The following PKIB variants were observed in gnomAD, a reference collection of about 807,000 sequenced individuals.
PKIB encodes PKI-beta.
A neutral mutation model predicts 4.5 loss-of-function variants in PKIB; 2 were observed. The observed-to-expected ratio is 0.44, with a 90% CI of 0.18 to 1.39. PKIB has a LOEUF of 1.39. PKIB is among the 40% of genes most tolerant of loss of function. PKIB has a pLI of 0.27. For synonymous variants in PKIB, 38 were observed against 36.0 expected (o/e 1.06, Z -0.20); for missense variants, 94 against 92.6 (o/e 1.02, Z -0.06).
intron 2 of PKIB, chr6:122,479,288 A>C (rs1490980843): frequency 1.3e-5 from 2 of 152,108 alleles, no homozygotes; most frequent in African/African-American, 2.4e-5. Context: ...AGACACATTA[A>C]AGCAGTAATA....
chr6:122,685,735 AC>A (rs1778067555), intron 3 of PKIB, among the ~76,000 whole-genome samples: 1 of 152,134 alleles, frequency 6.6e-6, no homozygotes, highest in Non-Finnish European at 1.5e-5. Flanking sequence ...GCTATCAAAT[AC>A]TAGGTCTTAT....
intron 2 of PKIB, among the ~76,000 whole-genome samples, chr6:122,642,334 G>T (rs1776152344): frequency 6.6e-6 from 1 of 152,154 alleles, no homozygotes; most frequent in Non-Finnish European, 1.5e-5. Flanking sequence ...TCAAAATATT[G>T]CATGGGGCAA....
At chr6:122,611,775 C>T (rs1021036084) in intron 1 of PKIB, among the ~76,000 whole-genome samples, 2 of 152,146 alleles carry the variant, frequency 1.3e-5, no homozygotes, top group Admixed American at 6.5e-5. Flanking sequence ...ATAATGCTCA[C>T]GGAAAATGGG....
chr6:122,600,112 G>A (rs1774317866), intron 3 of PKIB, among the ~76,000 whole-genome samples: 1 of 152,154 alleles, frequency 6.6e-6, no homozygotes, highest in African/African-American at 2.4e-5. Context: ...CTGCCTGCAA[G>A]CTGAGGATCA....
chr6:122,483,271 A>G (rs1055360506), intron 2 of PKIB: 1 of 152,220 alleles, frequency 6.6e-6, no homozygotes, highest in Non-Finnish European at 1.5e-5. Context: ...AACTATAAAT[A>G]CATTAATTTA....
chr6:122,563,818 C>T (rs1010468749), intron 2 of PKIB, among the ~76,000 whole-genome samples: 8 of 152,090 alleles, frequency 5.3e-5, no homozygotes, highest in East Asian at 1.9e-4. Context: ...CTGTTCCCCG[C>T]GACAACAGCC....
intron 2 of PKIB, among the ~76,000 whole-genome samples, chr6:122,572,608 G>T (rs900285252): frequency 7.2e-6 from 1 of 139,532 alleles, no homozygotes; most frequent in African/African-American, 2.7e-5. Context: ...TGTAGCAGAA[G>T]GAAAAAAAAA....
At chr6:122,534,264 T>C (rs1777341826) in intron 2 of PKIB, among the ~76,000 whole-genome samples, 1 of 151,768 alleles carries the variant, frequency 6.6e-6, no homozygotes, top group African/African-American at 2.4e-5. Context: ...CACAGGGAGA[T>C]GGACCCATAT....
chr6:122,646,511 A>C (rs1360284792), intron 2 of PKIB, among the ~76,000 whole-genome samples: 1 of 152,214 alleles, frequency 6.6e-6, no homozygotes, highest in African/African-American at 2.4e-5. Flanking sequence ...CATGCTTTAC[A>C]TTTTGAAATT....
At chr6:122,568,954 G>A (rs545712364) in intron 2 of PKIB, among the ~76,000 whole-genome samples, 3 of 152,196 alleles carry the variant, frequency 2.0e-5, no homozygotes, top group South Asian at 2.1e-4. Context: ...AGTGAGATTG[G>A]CCTCACCAAC....
chr6:122,538,256 G>T (rs1777470462), intron 2 of PKIB, among the ~76,000 whole-genome samples: 1 of 152,010 alleles, frequency 6.6e-6, no homozygotes. Context: ...CCTTGCCCAT[G>T]CCTATGTCCT....
At chr6:122,686,279 G>A (rs894908269) in intron 3 of PKIB, among the ~76,000 whole-genome samples, 3 of 152,058 alleles carry the variant, frequency 2.0e-5, no homozygotes, top group Non-Finnish European at 4.4e-5. Flanking sequence ...AACAGTATAT[G>A]AGGGTTCCCT....
intron 2 of PKIB, among the ~76,000 whole-genome samples, chr6:122,498,855 G>A (rs1776147282): frequency 6.6e-6 from 1 of 152,158 alleles, no homozygotes; most frequent in Non-Finnish European, 1.5e-5. Flanking sequence ...ATTCAACTAA[G>A]CTTAATCAGA....
intron 2 of PKIB, among the ~76,000 whole-genome samples, chr6:122,538,237 A>C (rs1047901253): frequency 5.3e-5 from 8 of 152,108 alleles, no homozygotes; most frequent in African/African-American, 1.9e-4. Flanking sequence ...GGTGTTTTAG[A>C]CATGAAGTCC....
At position 122,489,222 on chromosome 6, in the gene PKIB, T is replaced by TTTA. The variant is rs61079139; in HGVS notation, c.-248+11307_-248+11309dup. Among the ~76,000 whole-genome samples the TTTA allele has an allele frequency of 6.2e-3, 926 of 149,022 alleles. 5 individuals are homozygous for TTTA. Among genetic ancestry groups the TTTA allele is most frequent in the Middle Eastern group, 0.021 (6 of 280 alleles). On this transcript the variant is annotated intron_variant, in intron 2 of 6. Transcript: ENST00000392491. ...AGAGACTTTTAAAAATAGTATTTCA[T>TTTA]TTATTATTATTATTATTATTATTAT...
chr6:122,672,595 A>G (rs1156445763), intron 2 of PKIB, among the ~76,000 whole-genome samples: 2 of 152,292 alleles, frequency 1.3e-5, no homozygotes, highest in Admixed American at 6.5e-5. Context: ...ATGGAGAAAG[A>G]ATCAGACCTC....
intron 1 of PKIB, among the ~76,000 whole-genome samples, chr6:122,615,228 C>T (rs993483984): frequency 4.6e-5 from 7 of 152,082 alleles, no homozygotes; most frequent in Non-Finnish European, 1.0e-4. Context: ...GTCTTTCTAA[C>T]ATGCCATGAA....
At chr6:122,553,383 G>A (rs1236715458) in intron 2 of PKIB, among the ~76,000 whole-genome samples, 1 of 150,684 alleles carries the variant, frequency 6.6e-6, no homozygotes, top group Non-Finnish European at 1.5e-5. Flanking sequence ...AAAGCCGATT[G>A]ATATCCTGGC....
intron 2 of PKIB, among the ~76,000 whole-genome samples, chr6:122,576,597 G>T (rs949442789): frequency 6.8e-6 from 1 of 146,576 alleles, no homozygotes; most frequent in Non-Finnish European, 1.5e-5. Context: ...GAACCCGGGA[G>T]GAGGTGCTTG....
Sources: allele counts gnomAD v4.1 joint callset (sites outside exome capture counted in the v4.1 genomes callset), GRCh38; gene constraint gnomAD v4.1.1; transcripts MANE v1.5; gene names NCBI Gene and HGNC (gene_info 2026-07-23, HGNC 2026-07-21).